KMO: variants seen among roughly 807,000 people sequenced by gnomAD.
KMO encodes the protein kynurenine 3-hydroxylase.
A neutral mutation model predicts 57.8 loss-of-function variants in KMO; 24 were observed. The ratio of observed to expected loss-of-function variants is 0.42; its 90% CI spans 0.30 to 0.58. The LOEUF is 0.58. Among genes scored for constraint, KMO ranks in the 20% least tolerant of loss-of-function variants. The pLI is 0.22. For missense variants in KMO, 483 were observed against 588.2 expected, an observed-to-expected ratio of 0.82 and a Z score of 1.85; for synonymous variants, 210 against 193.6, an observed-to-expected ratio of 1.08 and a Z score of -0.70.
intron 5 of KMO, among the ~76,000 whole-genome samples, chr1:241,558,627 A>T (rs1661725148): frequency 6.6e-6 from 1 of 152,186 alleles, no homozygotes; most frequent in African/African-American, 2.4e-5. Context: ...CTTGCATCAA[A>T]CAAGTTTTCA....
chr1:241,562,477 A>G, intron 7 of KMO, 145 bp downstream of exon 7: 1 of 734,536 alleles, frequency 1.4e-6, no homozygotes, highest in Admixed American at 2.4e-5. Context: ...AATAAATGGG[A>G]TGCATGGGTA....
intron 14 of KMO, among the ~76,000 whole-genome samples, chr1:241,591,720 T>C (rs755994558): frequency 1.2e-3 from 178 of 152,070 alleles, no homozygotes; most frequent in Non-Finnish European, 3.2e-4. Flanking sequence ...ATTTTTTTCA[T>C]ACAGAAGACC....
At chr1:241,589,111 C>A (rs946740354) in intron 12 of KMO, among the ~76,000 whole-genome samples, 1 of 152,098 alleles carries the variant, frequency 6.6e-6, no homozygotes, top group Non-Finnish European at 1.5e-5. Context: ...AGACATTTAG[C>A]AATATGTTAC....
At chr1:241,564,395 C>T (rs1661997589) in intron 7 of KMO, among the ~76,000 whole-genome samples, 1 of 151,964 alleles carries the variant, frequency 6.6e-6, no homozygotes, top group Admixed American at 6.6e-5. Context: ...ATAGTAATTA[C>T]AGAGGACCCA....
At chr1:241,574,972 T>C (rs1341338919) in intron 10 of KMO, among the ~76,000 whole-genome samples, 1 of 152,048 alleles carries the variant, frequency 6.6e-6, no homozygotes, top group East Asian at 1.9e-4. Flanking sequence ...TCAAGGTTTC[T>C]ATTTCTTCCT....
chr1:241,536,020 G>C (rs1259347646), intron 1 of KMO, among the ~76,000 whole-genome samples: 1 of 152,140 alleles, frequency 6.6e-6, no homozygotes, highest in Admixed American at 6.6e-5. Flanking sequence ...GCCTTATAAT[G>C]TGAGCCACAC....
chr1:241,541,359 A>T (rs1336306490), intron 1 of KMO, among the ~76,000 whole-genome samples: 2 of 152,216 alleles, frequency 1.3e-5, no homozygotes, highest in South Asian at 2.1e-4. Flanking sequence ...ATTCTCTAAG[A>T]TATGAAATAT....
chr1:241,562,821 A>G (rs1425368901), intron 7 of KMO, among the ~76,000 whole-genome samples: 2 of 151,568 alleles, frequency 1.3e-5, no homozygotes, highest in Admixed American at 1.3e-4. Flanking sequence ...CCTGAGCAAC[A>G]TAGCCCAATC....
At position 241,579,305 on chromosome 1, in the gene KMO, G is replaced by A. The variant is rs191897766; in HGVS notation, c.958-7374G>A. 1.7e-3 allele frequency among the ~76,000 whole-genome samples: 258 copies of A among 152,146 alleles called. 2 individuals carry two copies. The highest frequency in any genetic ancestry group is 5.5e-3 in the African/African-American group (230 of 41,540). On this transcript the variant is annotated intron_variant, in intron 10 of 14. Transcript: ENST00000366559. ...TAGGGGAGGTACTCTGGTTTCTTAC[G>A]TGATGGGCAGGGTTATAAAGCTCCC...
rs904952639 is a variant in KMO at position 241,595,380 on chromosome 1, C to G, written c.*3227C>G. On this transcript the variant is annotated 3_prime_UTR_variant, in exon 15 of 15. Coordinates refer to ENST00000366559, the MANE Select transcript of KMO (RefSeq NM_003679.5). ...CACACAATGGAAGGAACCTAGATTC[C>G]TAAATGACTGCATAGGACAGATCCC... 2.6e-5 allele frequency: 4 copies of G among 152,218 alleles called. No homozygotes were observed. The highest frequency in any genetic ancestry group is 9.7e-5 in the African/African-American group (4 of 41,428). 9.4% of individuals were successfully genotyped at this position (152,218 alleles called of 1,614,324 possible).
intron 5 of KMO, among the ~76,000 whole-genome samples, chr1:241,559,505 A>G (rs566841072): frequency 6.6e-6 from 1 of 152,334 alleles, no homozygotes; most frequent in East Asian, 1.9e-4. Flanking sequence ...TCCTTAGTAT[A>G]TCAGGTCAAT....
At chr1:241,544,566 T>C (rs958309821) in intron 1 of KMO, among the ~76,000 whole-genome samples, 3 of 152,192 alleles carry the variant, frequency 2.0e-5, no homozygotes, top group Admixed American at 6.5e-5. Context: ...AAGATCACAC[T>C]GGAGAAGAGC....
intron 5 of KMO, 93 bp downstream of exon 5, chr1:241,555,753 C>G (rs889654212): frequency 5.1e-6 from 4 of 782,162 alleles, no homozygotes; most frequent in African/African-American, 5.1e-5. Flanking sequence ...TTTGCTGCTC[C>G]TTTTTATGGG....
chr1:241,588,696 T>A (rs887208333), intron 11 of KMO, 52 bp from the exon 12 acceptor site: 1 of 1,340,336 alleles, frequency 7.5e-7, no homozygotes, highest in Non-Finnish European at 1.1e-6. Context: ...CTGTGTAGAG[T>A]TCAGCACATT....
chr1:241,553,427 C>A (rs1018129958), intron 4 of KMO, among the ~76,000 whole-genome samples: 2 of 152,192 alleles, frequency 1.3e-5, no homozygotes, highest in Non-Finnish European at 2.9e-5. Context: ...TGGCTGACAC[C>A]TGTAATCCCA....
At position 241,592,389 on chromosome 1, in the gene KMO, C is replaced by G; in HGVS notation, c.*236C>G. On this transcript the variant is annotated 3_prime_UTR_variant, in exon 15 of 15. Coordinates refer to ENST00000366559, the MANE Select transcript of KMO (RefSeq NM_003679.5). ...ACACACTCAGGTTGAGTCATTCTAACTATAAAAGTGCAATGACTAAGATCC... is the reference window on the plus strand; with the variant it reads ...ACACACTCAGGTTGAGTCATTCTAAGTATAAAAGTGCAATGACTAAGATCC... 1 of 516,158 alleles carries G rather than the reference C, an allele frequency of 1.9e-6. No homozygotes were observed. The highest frequency in any genetic ancestry group is 3.3e-5 in the Admixed American group (1 of 29,944). 32.0% of individuals were successfully genotyped at this position (516,158 alleles called of 1,614,324 possible).
At chr1:241,588,329 CTTTTTTTTTTTT>C (rs57587351) in intron 11 of KMO, among the ~76,000 whole-genome samples, 2 of 98,388 alleles carry the variant, frequency 2.0e-5, no homozygotes, top group East Asian at 6.6e-4. Context: ...TCTTTTTTTT[CTTTTTTTTTTTT>C]TTTTTTTTTT....
intron 7 of KMO, among the ~76,000 whole-genome samples, chr1:241,562,943 C>A (rs530523465): frequency 1.5e-3 from 115 of 76,698 alleles, no homozygotes; most frequent in South Asian, 4.8e-3. Flanking sequence ...AGGAAGGAGA[C>A]GGGAAGGGAA....
Position 241,539,383 on chromosome 1 carries a change from C to CAAAAAAAAAAAAAAAA in KMO, c.54+6892_54+6893insAAAAAAAAAAAAAAAA, listed in dbSNP as rs769776691. Among the ~76,000 whole-genome samples the CAAAAAAAAAAAAAAAA allele has an allele frequency of 1.3e-4, 17 of 134,910 alleles. No homozygotes were observed. In the South Asian group the frequency reaches 1.5e-3, roughly 12 times the overall value. 88.5% of individuals were successfully genotyped at this position (134,910 alleles called of 152,430 possible). On this transcript the variant is annotated intron_variant, in intron 1 of 14. Coordinates refer to ENST00000366559, the MANE Select transcript of KMO (RefSeq NM_003679.5). Reference sequence around the variant, plus strand: ...TGGGCAACGGAGTGAGACTCCGTCTCAAAAAAATTCCAGAAAGCAGCAATA... The same window carrying CAAAAAAAAAAAAAAAA: ...TGGGCAACGGAGTGAGACTCCGTCTCAAAAAAAAAAAAAAAAAAAAAAATTCCAGAAAGCAGCAATA...
Sources: gnomAD v4.1 joint callset for allele counts (sites outside exome capture counted in the v4.1 genomes callset) on GRCh38, gnomAD v4.1.1 for gene constraint, MANE v1.5 for transcripts, NCBI Gene and HGNC (gene_info 2026-07-23, HGNC 2026-07-21) for gene names.